The following ESRP1 variants were observed in gnomAD, a reference collection of about 807,000 sequenced individuals.
ESRP1 encodes the protein epithelial splicing regulatory protein 1.
Under a neutral mutation model 81.7 loss-of-function variants are expected in ESRP1, and 33 were observed. The observed-to-expected ratio is 0.40, with a 90% CI of 0.31 to 0.54. The LOEUF (loss-of-function observed/expected upper bound fraction) is 0.54. Ranked by LOEUF, ESRP1 falls within the 20% of genes least tolerant of loss-of-function variation. ESRP1 has a pLI of 0.41. For missense variants in ESRP1, 672 were observed against 833.1 expected (o/e 0.81, Z 2.38); for synonymous variants, 320 against 303.3 (o/e 1.06, Z -0.57).
chr8:94,704,548 G>A (rs769037314), intron 15 of ESRP1, among the ~76,000 whole-genome samples: 1 of 151,952 alleles, frequency 6.6e-6, no homozygotes, highest in East Asian at 1.9e-4. Context: ...AGGATTGCTC[G>A]AGGCCTGGAG....
At chr8:94,656,448 C>G (rs919716946) in intron 4 of ESRP1, among the ~76,000 whole-genome samples, 1 of 152,060 alleles carries the variant, frequency 6.6e-6, no homozygotes, top group East Asian at 1.9e-4. Context: ...GTCTCGATCT[C>G]CTGACCTTGT....
At position 94,706,991 on chromosome 8, in the gene ESRP1, T is replaced by C. The variant is rs574508308; in HGVS notation, c.*1102T>C. On this transcript the variant is annotated 3_prime_UTR_variant, in exon 16 of 16. Transcript: ENST00000433389. ...CTGATGCTGTCAGTGTTTAACACTATGTTTAGCTGTGTTTATGCTATAAAA... is the reference window on the plus strand; with the variant it reads ...CTGATGCTGTCAGTGTTTAACACTACGTTTAGCTGTGTTTATGCTATAAAA... 1.7e-4 allele frequency: 26 copies of C among 152,384 alleles called. No individual in the cohort carries two copies. Among genetic ancestry groups the C allele is most frequent in the African/African-American group, 6.0e-4 (25 of 41,596 alleles). 9.4% of individuals were successfully genotyped at this position (152,384 alleles called of 1,614,324 possible).
At chr8:94,668,599 A>G (rs956674986) in intron 10 of ESRP1, among the ~76,000 whole-genome samples, 1 of 152,138 alleles carries the variant, frequency 6.6e-6, no homozygotes, top group African/African-American at 2.4e-5. Context: ...ACTTAGATTG[A>G]TTTTTTTCTA....
chr8:94,694,718 A>G (rs929101541), intron 14 of ESRP1, among the ~76,000 whole-genome samples: 5 of 152,376 alleles, frequency 3.3e-5, no homozygotes, highest in African/African-American at 9.6e-5. Flanking sequence ...TTTAGATAAC[A>G]TAACTTCAGT....
chr8:94,645,642 A>G (rs1286715905), intron 3 of ESRP1, among the ~76,000 whole-genome samples: 1 of 151,534 alleles, frequency 6.6e-6, no homozygotes, highest in Non-Finnish European at 1.5e-5. Context: ...ATGTGGGACT[A>G]TTATTTGGCA....
At chr8:94,679,336 G>A (rs565187530) in intron 13 of ESRP1, among the ~76,000 whole-genome samples, 2 of 152,338 alleles carry the variant, frequency 1.3e-5, no homozygotes, top group East Asian at 1.9e-4. Context: ...AGAAGCATGA[G>A]TAACTGTTCA....
chr8:94,686,172 A>G (rs1193195234), intron 13 of ESRP1, among the ~76,000 whole-genome samples: 2 of 151,966 alleles, frequency 1.3e-5, no homozygotes, highest in Non-Finnish European at 2.9e-5. Flanking sequence ...CCAGTGATCC[A>G]CCCGCCTCGG....
chr8:94,642,488 G>T (rs907310544), intron 2 of ESRP1, among the ~76,000 whole-genome samples: 1 of 152,222 alleles, frequency 6.6e-6, no homozygotes, highest in East Asian at 1.9e-4. Context: ...TGGCGTAGAC[G>T]TGCAGGTGGG....
chr8:94,704,419 G>A (rs1357497463), intron 15 of ESRP1, among the ~76,000 whole-genome samples: 1 of 151,934 alleles, frequency 6.6e-6, no homozygotes, highest in Non-Finnish European at 1.5e-5. Flanking sequence ...TTTGAGACTA[G>A]CCTGGACGAC....
chr8:94,652,396 A>T (rs757336848), intron 4 of ESRP1, among the ~76,000 whole-genome samples: 15 of 151,922 alleles, frequency 9.9e-5, no homozygotes, highest in Non-Finnish European at 1.8e-4. Flanking sequence ...CTAGCAGGTA[A>T]ACTGGATTGC....
At chr8:94,699,019 GT>G (rs1809711379) in intron 15 of ESRP1, among the ~76,000 whole-genome samples, 1 of 152,120 alleles carries the variant, frequency 6.6e-6, no homozygotes, top group Admixed American at 6.5e-5. Flanking sequence ...GTTCTAGCCT[GT>G]TGATATCCAT....
intron 13 of ESRP1, chr8:94,688,740 G>T (rs968194321): frequency 6.4e-6 from 1 of 155,156 alleles, no homozygotes; most frequent in East Asian, 1.9e-4. Context: ...CCTTATGCTA[G>T]TACTGTACTG....
intron 10 of ESRP1, among the ~76,000 whole-genome samples, chr8:94,670,124 A>G (rs1819240650): frequency 6.6e-6 from 1 of 152,174 alleles, no homozygotes; most frequent in African/African-American, 2.4e-5. Flanking sequence ...CTATGATTCT[A>G]CTATGAGTTG....
At chr8:94,701,389 C>T (rs1021108188) in intron 15 of ESRP1, among the ~76,000 whole-genome samples, 3 of 152,096 alleles carry the variant, frequency 2.0e-5, no homozygotes, top group Admixed American at 1.3e-4. Flanking sequence ...TCTGTCTTCT[C>T]TTGCCTTGTC....
chr8:94,706,129 A>G lies in ESRP1; in HGVS notation c.*240A>G. 1.8e-6 allele frequency: 1 copy of G among 567,552 alleles called. No individual in the cohort carries two copies. Among genetic ancestry groups the G allele is most frequent in the South Asian group, 2.5e-5 (1 of 39,828 alleles). 35.2% of individuals were successfully genotyped at this position (567,552 alleles called of 1,614,324 possible). A position where few individuals can be genotyped will look rare whatever the true frequency, so the allele number is the denominator to read the frequency against. ...ACTTACAGCAAGCAGCATGCAGCAT[A>G]CCTGGCTCTTTGCTGATTGCAAATA... On this transcript the variant is annotated 3_prime_UTR_variant, in exon 16 of 16. Coordinates refer to ENST00000433389, the MANE Select transcript of ESRP1 (RefSeq NM_017697.4).
chr8:94,660,254 T>G (rs1320632842), intron 4 of ESRP1, among the ~76,000 whole-genome samples: 1 of 152,178 alleles, frequency 6.6e-6, no homozygotes, highest in Non-Finnish European at 1.5e-5. Context: ...CTGGTGACTT[T>G]TAAGTTAAAG....
intron 12 of ESRP1, 108 bp downstream of exon 12, chr8:94,674,614 G>A (rs539661239): frequency 1.0e-6 from 1 of 958,666 alleles, no homozygotes. Context: ...CAGGTGAGGT[G>A]GTTATATAAG....
Position 94,705,795 on chromosome 8 carries a change from C to T in ESRP1, c.*36-130C>T, listed in dbSNP as rs1466957858. On this transcript the variant is annotated intron_variant, in intron 15 of 15. Coordinates refer to ENST00000433389, the MANE Select transcript of ESRP1 (RefSeq NM_017697.4). ...CAACTATGTCTGTGTGAAATAATAA[C>T]TTGGACCATCTTAAGGCTTTTTTTC... 5.1e-6 allele frequency: 4 copies of T among 781,380 alleles called. No homozygotes were observed. In the Admixed American group the frequency reaches 8.9e-5, roughly 17 times the overall value. The allele number at this position is 781,380 out of a possible 1,614,324, so 48.4% of individuals were successfully genotyped here. A position where few individuals can be genotyped will look rare whatever the true frequency, so the allele number is the denominator to read the frequency against.
At chr8:94,674,178 C>T (rs1819477637) in intron 11 of ESRP1, 130 bp from the exon 12 acceptor site, 1 of 971,676 alleles carries the variant, frequency 1.0e-6, no homozygotes. Context: ...CAGATCACAC[C>T]ATCACCCGGA....
Sources: gnomAD v4.1 joint callset for allele counts (sites outside exome capture counted in the v4.1 genomes callset) on GRCh38, gnomAD v4.1.1 for gene constraint, MANE v1.5 for transcripts, NCBI Gene and HGNC (gene_info 2026-07-23, HGNC 2026-07-21) for gene names.